Variants in LRBA observed in about 807,000 individuals in gnomAD.
LRBA encodes lipopolysaccharide-responsive and beige-like anchor protein.
In LRBA, 176 loss-of-function variants were observed where a neutral mutation model predicts 330.0. The observed-to-expected ratio is 0.53, with a 90% confidence interval of 0.47 to 0.60. The LOEUF is 0.60. LRBA is among the 20% of genes least tolerant of loss of function. LRBA has a pLI of 0.00. For synonymous variants in LRBA, 1,230 were observed against 1,193.0 expected, an observed-to-expected ratio of 1.03 and a Z score of -0.64; for missense variants, 3,259 against 3,444.8, an observed-to-expected ratio of 0.95 and a Z score of 1.35.
intron 34 of LRBA, among the ~76,000 whole-genome samples, chr4:150,776,176 GT>G (rs1353762912): frequency 6.6e-6 from 1 of 152,092 alleles, no homozygotes; most frequent in Non-Finnish European, 1.5e-5. Context: ...TCATGGCTGG[GT>G]GCAGTGGTGC....
intron 40 of LRBA, among the ~76,000 whole-genome samples, chr4:150,552,387 C>A (rs542169984): frequency 6.6e-6 from 1 of 152,166 alleles, no homozygotes; most frequent in South Asian, 2.1e-4. Context: ...CCAAAAGACA[C>A]ATGAAAAAAT....
intron 44 of LRBA, among the ~76,000 whole-genome samples, chr4:150,445,810 G>A (rs183975153): frequency 6.6e-6 from 1 of 151,996 alleles, no homozygotes; most frequent in Admixed American, 6.6e-5. Flanking sequence ...GACTACAGGT[G>A]CATGCTACCA....
At chr4:150,810,254 G>A (rs1191895054) in intron 31 of LRBA, among the ~76,000 whole-genome samples, 2 of 152,238 alleles carry the variant, frequency 1.3e-5, no homozygotes, top group East Asian at 1.9e-4. Context: ...AACAAGCTTG[G>A]TTCCTTTTGG....
chr4:150,610,941 T>C (rs1182070167), intron 37 of LRBA, among the ~76,000 whole-genome samples: 1 of 152,130 alleles, frequency 6.6e-6, no homozygotes, highest in African/African-American at 2.4e-5. Flanking sequence ...ATATATCCAG[T>C]CCCCTTATTT....
chr4:150,279,813 G>A (rs1747274494), intron 55 of LRBA, among the ~76,000 whole-genome samples: 1 of 152,152 alleles, frequency 6.6e-6, no homozygotes, highest in South Asian at 2.1e-4. Flanking sequence ...TTCACAAATG[G>A]CAATCTCTAG....
intron 31 of LRBA, among the ~76,000 whole-genome samples, chr4:150,809,292 T>A (rs1401133555): frequency 6.6e-6 from 1 of 152,210 alleles, no homozygotes; most frequent in East Asian, 1.9e-4. Flanking sequence ...AGCAGCAGCA[T>A]CTTAACACTT....
rs566423608 is a variant in LRBA at position 150,417,337 on chromosome 4, T to C, written c.7042-1747A>G. On this transcript the variant is annotated intron_variant, in intron 46 of 56. Transcript: ENST00000651943. The stretch of plus-strand genomic sequence containing the variant: ...TCTAGTATTAATTTGCCCAAGTGTG[T>C]ATTCAATTAATTTCCAGCTTTGACA... Among the ~76,000 whole-genome samples the C allele has an allele frequency of 4.6e-5, 7 of 152,240 alleles. No individual in the cohort carries two copies. In the South Asian group the frequency reaches 1.5e-3, roughly 32 times the overall value.
intron 17 of LRBA, among the ~76,000 whole-genome samples, chr4:150,879,077 C>T (rs1253109309): frequency 6.6e-6 from 1 of 152,010 alleles, no homozygotes; most frequent in African/African-American, 2.4e-5. Context: ...AAAAAGAAAA[C>T]TACAGGCCAA....
chr4:151,002,161 G>C (rs536437153), intron 2 of LRBA, among the ~76,000 whole-genome samples: 1 of 81,650 alleles, frequency 1.2e-5, no homozygotes, highest in East Asian at 4.1e-4. Context: ...CCAGAGGAAA[G>C]ATATCAATGT....
intron 48 of LRBA, 24 bp from the exon 49 acceptor site, chr4:150,325,922 GA>G: frequency 1.5e-6 from 2 of 1,367,532 alleles, no homozygotes; most frequent in Non-Finnish European, 2.1e-6. Flanking sequence ...GGGCAAGTCT[GA>G]AGGTTAAGAG....
chr4:150,871,405 A>C lies in LRBA; in HGVS notation c.2307T>G (p.Ala769=), dbSNP rs753558123. 2 of 1,612,736 alleles carry C rather than the reference A, an allele frequency of 1.2e-6. No homozygotes were observed. The highest frequency in any genetic ancestry group is 2.7e-5 in the African/African-American group (2 of 74,914). Residue 769 remains alanine (A), a synonymous_variant, in exon 19 of 57, where the codon GCT becomes GCG. Coordinates refer to ENST00000651943, the MANE Select transcript of LRBA (RefSeq NM_001364905.1). ...AATTTGTCTGAAGCATGAGCCTTTC[A>C]GCTAGCAATGAAAACAATCCATGTC... The part of the protein sequence containing the change: ...MLGHGLFSLL[A]ERLMLQTNLI...
intron 2 of LRBA, among the ~76,000 whole-genome samples, chr4:150,958,855 G>A (rs983678013): frequency 2.7e-5 from 4 of 149,054 alleles, no homozygotes; most frequent in East Asian, 1.9e-4. Context: ...GGACTTTATC[G>A]TCCATTTCAC....
intron 2 of LRBA, among the ~76,000 whole-genome samples, chr4:150,985,959 A>G (rs1182288775): frequency 2.6e-5 from 4 of 152,196 alleles, no homozygotes; most frequent in Non-Finnish European, 5.9e-5. Flanking sequence ...AATACATATT[A>G]TAACTAAAAC....
intron 53 of LRBA, among the ~76,000 whole-genome samples, chr4:150,289,634 A>G (rs1192208570): frequency 6.6e-6 from 1 of 152,170 alleles, no homozygotes; most frequent in East Asian, 1.9e-4. Flanking sequence ...CAATATAAGG[A>G]GAGATATGTC....
intron 37 of LRBA, among the ~76,000 whole-genome samples, chr4:150,640,007 C>A (rs1657479897): frequency 6.7e-6 from 1 of 149,924 alleles, no homozygotes; most frequent in South Asian, 2.1e-4. Flanking sequence ...CAGGTGCCTG[C>A]CACCATGCCC....
intron 46 of LRBA, among the ~76,000 whole-genome samples, chr4:150,417,384 T>A (rs1747933397): frequency 6.6e-6 from 1 of 152,208 alleles, no homozygotes; most frequent in South Asian, 2.1e-4. Flanking sequence ...AATATGTTAT[T>A]TTCACTTCAT....
In LRBA at chr4:150,921,257, G is replaced by A; in HGVS notation, c.586C>T (p.His196Tyr). Residue 196 changes from histidine to tyrosine, a missense_variant, in exon 5 of 57, where the codon CAT becomes TAT. Physicochemically the swap from His to Tyr is moderately conservative, Grantham distance 83 (BLOSUM62 2). Transcript: ENST00000651943. ...HAGKLLSVLKHMPQKYGPDAF... is the reference protein window; with the variant it reads ...HAGKLLSVLKYMPQKYGPDAF... ...TCAGGACCATACTTCTGAGGCATAT[G>A]CTTTAACACAGACAGCAACTTCCCA... 6.2e-7 allele frequency: 1 copy of A among 1,613,142 alleles called. No individual in the cohort carries two copies. The highest frequency in any genetic ancestry group is 8.5e-7 in the Non-Finnish European group (1 of 1,179,178).
At chr4:150,723,536 G>C (rs1729226419) in intron 36 of LRBA, among the ~76,000 whole-genome samples, 1 of 152,116 alleles carries the variant, frequency 6.6e-6, no homozygotes, top group Admixed American at 6.5e-5. Flanking sequence ...AAGAACTCTT[G>C]GGCCCTGAAT....
At chr4:150,957,845 C>G (rs920132359) in intron 2 of LRBA, among the ~76,000 whole-genome samples, 3 of 149,260 alleles carry the variant, frequency 2.0e-5, no homozygotes, top group Non-Finnish European at 4.4e-5. Flanking sequence ...CTTAAAGCTC[C>G]AAAATGATCT....
Sources: allele counts gnomAD v4.1 joint callset (sites outside exome capture counted in the v4.1 genomes callset), GRCh38; gene constraint gnomAD v4.1.1; transcripts MANE v1.5; gene names NCBI Gene and HGNC (gene_info 2026-07-23, HGNC 2026-07-21).